Variants in MDGA2 observed in about 807,000 individuals in gnomAD.
MDGA2 encodes the protein MAM domain-containing glycosylphosphatidylinositol anchor protein 2.
A neutral mutation model predicts 117.8 loss-of-function variants in MDGA2; 40 were observed. That is an observed-to-expected ratio of 0.34 (90% CI 0.26 to 0.44). MDGA2 has a LOEUF of 0.44. Ranked by LOEUF, MDGA2 falls within the 20% of genes least tolerant of loss-of-function variation. The pLI, the probability that MDGA2 is intolerant of heterozygous loss-of-function variation, is 1.00. For synonymous variants in MDGA2, 452 were observed against 439.0 expected, an observed-to-expected ratio of 1.03 and a Z score of -0.37; for missense variants, 1,123 against 1,250.6, an observed-to-expected ratio of 0.90 and a Z score of 1.54.
chr14:47,669,727 T>G (rs546920750), intron 1 of MDGA2, among the ~76,000 whole-genome samples: 2 of 152,192 alleles, frequency 1.3e-5, no homozygotes, highest in Admixed American at 1.3e-4. Context: ...TGGTATGTAA[T>G]AGAGCTTCAC....
At chr14:47,328,780 C>A (rs1890214023) in intron 1 of MDGA2, among the ~76,000 whole-genome samples, 1 of 152,020 alleles carries the variant, frequency 6.6e-6, no homozygotes, top group Non-Finnish European at 1.5e-5. Flanking sequence ...GAGAAGCAAG[C>A]AAACTGAGTG....
chr14:46,930,715 G>A (rs1489828509), intron 9 of MDGA2, among the ~76,000 whole-genome samples: 2 of 151,968 alleles, frequency 1.3e-5, no homozygotes, highest in African/African-American at 2.4e-5. Flanking sequence ...TTGATAAAGC[G>A]ACTGCTGTTA....
chr14:47,454,249 A>G (rs1893301299), intron 1 of MDGA2, among the ~76,000 whole-genome samples: 1 of 152,138 alleles, frequency 6.6e-6, no homozygotes, highest in Non-Finnish European at 1.5e-5. Flanking sequence ...TTGATGTCTG[A>G]CAGAGCAAAT....
chr14:47,660,475 AC>A (rs558862225), intron 1 of MDGA2, among the ~76,000 whole-genome samples: 390 of 152,344 alleles, frequency 2.6e-3, no homozygotes, highest in Non-Finnish European at 4.6e-3. Context: ...ACTAAACTGC[AC>A]TAATCTGTAA....
chr14:46,912,378 A>G lies in MDGA2; in HGVS notation c.2238+7634T>C, dbSNP rs1342025520. ...ACTACTGTCTTCAGATGAAAAATTT[A>G]TGCCTAAATTTTTACCACCTTCAGT... On this transcript the variant is annotated intron_variant, in intron 10 of 16. Transcript: ENST00000399232. Among the ~76,000 whole-genome samples the G allele has an allele frequency of 2.0e-5, 3 of 152,134 alleles. No homozygotes were observed. In the East Asian group the frequency reaches 5.8e-4, roughly 29 times the overall value.
chr14:47,426,318 T>C (rs1225917474), intron 1 of MDGA2, among the ~76,000 whole-genome samples: 1 of 152,086 alleles, frequency 6.6e-6, no homozygotes, highest in Non-Finnish European at 1.5e-5. Flanking sequence ...TTATTATTTA[T>C]CTTGTTGATC....
chr14:46,966,717 A>C (rs2138307303), intron 8 of MDGA2, among the ~76,000 whole-genome samples: 1 of 152,266 alleles, frequency 6.6e-6, no homozygotes, highest in South Asian at 2.1e-4. Flanking sequence ...TAGTTGTAAT[A>C]AAGTCATTAA....
chr14:47,642,582 AAACT>A (rs1461177098), intron 1 of MDGA2, among the ~76,000 whole-genome samples: 3 of 152,070 alleles, frequency 2.0e-5, no homozygotes, highest in African/African-American at 2.4e-5. Context: ...CCAAGCAAAC[AAACT>A]GTGTTCCTAA....
chr14:47,349,307 C>T (rs577434355), intron 1 of MDGA2, among the ~76,000 whole-genome samples: 3 of 152,130 alleles, frequency 2.0e-5, no homozygotes, highest in Non-Finnish European at 4.4e-5. Context: ...TGGGCTGAGT[C>T]ATTCAAAGAG....
chr14:47,362,276 T>C (rs1376312759), intron 1 of MDGA2, among the ~76,000 whole-genome samples: 2 of 152,112 alleles, frequency 1.3e-5, no homozygotes, highest in Non-Finnish European at 2.9e-5. Context: ...CACATACATA[T>C]TAAAATGAAG....
chr14:46,979,067 T>G (rs1488842422), intron 8 of MDGA2, among the ~76,000 whole-genome samples: 1 of 152,192 alleles, frequency 6.6e-6, no homozygotes, highest in Non-Finnish European at 1.5e-5. Context: ...TCCAACAGCA[T>G]AGTACTCACT....
At chr14:47,235,737 CAT>C (rs1886836722) in intron 2 of MDGA2, among the ~76,000 whole-genome samples, 1 of 152,182 alleles carries the variant, frequency 6.6e-6, no homozygotes, top group Non-Finnish European at 1.5e-5. Context: ...AAAGGGAAAA[CAT>C]ACTTCCATTG....
chr14:47,129,127 G>C (rs1311062188), intron 5 of MDGA2, among the ~76,000 whole-genome samples: 3 of 151,108 alleles, frequency 2.0e-5, no homozygotes, highest in African/African-American at 7.3e-5. Flanking sequence ...TAAGTTTTAG[G>C]GTACATGTGC....
intron 9 of MDGA2, among the ~76,000 whole-genome samples, chr14:46,954,115 G>A (rs982984781): frequency 3.9e-5 from 6 of 151,958 alleles, no homozygotes; most frequent in Non-Finnish European, 2.9e-5. Context: ...TAGGTGACCT[G>A]AAACCTCGCA....
At chr14:46,846,588 C>G (rs1275981174) in intron 15 of MDGA2, among the ~76,000 whole-genome samples, 2 of 152,046 alleles carry the variant, frequency 1.3e-5, no homozygotes, top group Non-Finnish European at 2.9e-5. Flanking sequence ...AATCAGAATC[C>G]TTTATTATTA....
rs533275023 is a variant in MDGA2 at position 46,881,873 on chromosome 14, A to G, written c.2416+171T>C. Among the ~76,000 whole-genome samples the G allele has an allele frequency of 1.3e-4, 20 of 152,192 alleles. 1 individual carries two copies. Among genetic ancestry groups the G allele is most frequent in the Non-Finnish European group, 2.4e-4 (16 of 67,974 alleles). On this transcript the variant is annotated intron_variant, in intron 11 of 16. Coordinates refer to ENST00000399232, the MANE Select transcript of MDGA2 (RefSeq NM_001113498.3). ...ACATTTGTAATCAAATGTCACATTT[A>G]TGGTGATTAAGGTTTTTGTTTTTGT...
chr14:47,138,417 T>A (rs1218858980), intron 4 of MDGA2, among the ~76,000 whole-genome samples: 2 of 152,134 alleles, frequency 1.3e-5, no homozygotes, highest in Non-Finnish European at 2.9e-5. Context: ...ATACACAAGA[T>A]GATGTCATGA....
At chr14:46,982,734 A>AAAAAAAAAAAAAAAATAAT (rs1449356596) in intron 8 of MDGA2, among the ~76,000 whole-genome samples, 3 of 130,326 alleles carry the variant, frequency 2.3e-5, no homozygotes, top group Non-Finnish European at 5.1e-5. Context: ...AAAAAAAAAA[A>AAAAAAAAAAAAAAAATAAT]AATCATGTCA....
chr14:47,410,245 T>G (rs1031110757), intron 1 of MDGA2, among the ~76,000 whole-genome samples: 1 of 152,154 alleles, frequency 6.6e-6, no homozygotes, highest in African/African-American at 2.4e-5. Flanking sequence ...CCTTGTGTCT[T>G]GTAGTTTACT....
Sources: gnomAD v4.1 joint callset for allele counts (sites outside exome capture counted in the v4.1 genomes callset) on GRCh38, gnomAD v4.1.1 for gene constraint, MANE v1.5 for transcripts, NCBI Gene and HGNC (gene_info 2026-07-23, HGNC 2026-07-21) for gene names.